The following CSNK2A1 variants were observed in gnomAD, a reference collection of about 807,000 sequenced individuals.
CSNK2A1 encodes the protein casein kinase 2 alpha 1, also known as casein kinase II subunit alpha.
A neutral mutation model predicts 62.9 loss-of-function variants in CSNK2A1; 10 were observed. The observed-to-expected ratio is 0.16, with a 90% confidence interval of 0.10 to 0.27. The LOEUF is 0.27. Among genes scored for constraint, CSNK2A1 ranks in the 10% least tolerant of loss-of-function variants. The pLI is 1.00. For missense variants in CSNK2A1, 160 were observed against 492.0 expected (o/e 0.33, Z 6.38); for synonymous variants, 124 against 167.8 (o/e 0.74, Z 2.02).
At chr20:511,581 T>C (rs2018719342) in intron 2 of CSNK2A1, among the ~76,000 whole-genome samples, 1 of 152,158 alleles carries the variant, frequency 6.6e-6, no homozygotes. Flanking sequence ...AATCAGACAA[T>C]ATTTGTCCTT....
At chr20:508,914 T>C (rs1379202781) in intron 2 of CSNK2A1, among the ~76,000 whole-genome samples, 3 of 152,224 alleles carry the variant, frequency 2.0e-5, no homozygotes. Context: ...AAAATTTGAA[T>C]GATTTTTGTA....
rs1157352244 is a variant in CSNK2A1, at chr20:485,066, CAAAAAAAAAAAAAAAAAAAAAAAAAA to C, written c.1061-1016_1061-991del. ...TGGCCACAGAGCAAGACCTTGTCTC[CAAAAAAAAAAAAAAAAAAAAAAAAAA>C]AAAAAAAAAAAAAAAAAATATATAT... On this transcript the variant is annotated intron_variant, in intron 13 of 13. Coordinates refer to ENST00000217244, the MANE Select transcript of CSNK2A1 (RefSeq NM_177559.3). Among the ~76,000 whole-genome samples, 91 of 22,010 alleles carry C rather than the reference CAAAAAAAAAAAAAAAAAAAAAAAAAA, an allele frequency of 4.1e-3. 2 individuals are homozygous for C. The highest frequency in any genetic ancestry group is 0.017 in the African/African-American group (85 of 5,052). 14.4% of individuals were successfully genotyped at this position (22,010 alleles called of 152,430 possible).
intron 2 of CSNK2A1, among the ~76,000 whole-genome samples, chr20:516,134 C>T (rs1600398455): frequency 6.6e-6 from 1 of 152,204 alleles, no homozygotes; most frequent in South Asian, 2.1e-4. Flanking sequence ...GTTCATAATA[C>T]TAGTATATCT....
At chr20:525,673 A>T (rs1182651904) in intron 2 of CSNK2A1, among the ~76,000 whole-genome samples, 4 of 147,978 alleles carry the variant, frequency 2.7e-5, no homozygotes, top group Non-Finnish European at 6.0e-5. Context: ...AAAAAGAAAA[A>T]AAAAATAATA....
Position 513,306 on chromosome 20 carries a change from G to A in CSNK2A1, c.-109-4646C>T, listed in dbSNP as rs75591617. Among the ~76,000 whole-genome samples the A allele has an allele frequency of 9.2e-5, 14 of 152,240 alleles. No homozygotes were observed. In the East Asian group the frequency reaches 2.7e-3, roughly 29 times the overall value. On this transcript the variant is annotated intron_variant, in intron 2 of 13. Transcript: ENST00000217244. ...TCTCTGTTGGGCTTTTCCCAGCTTT[G>A]GTTCATCACTTATAAAACCTGTCTA...
Position 503,844 on chromosome 20 carries a change from T to C in CSNK2A1, c.213+1274A>G, listed in dbSNP as rs2018518854. 3 of 395,734 alleles carry C rather than the reference T, an allele frequency of 7.6e-6. No homozygotes were observed. The Admixed American group carries it at 1.3e-4, about 17-fold the overall frequency. 24.5% of individuals were successfully genotyped at this position (395,734 alleles called of 1,614,324 possible). On this transcript the variant is annotated intron_variant, in intron 4 of 13. Transcript: ENST00000217244. Reference sequence around the variant, plus strand: ...AATTTAACTTTTTTCTTTTAATTTATGTGAATAACTTTTTAAATGGCTACC... The same window carrying C: ...AATTTAACTTTTTTCTTTTAATTTACGTGAATAACTTTTTAAATGGCTACC...
intron 12 of CSNK2A1, 144 bp from the exon 13 acceptor site, chr20:486,606 C>T: frequency 2.6e-6 from 2 of 759,006 alleles, no homozygotes; most frequent in Non-Finnish European, 4.0e-6. Flanking sequence ...TGGCAATTGC[C>T]TTCACCATGA....
At position 481,673 on chromosome 20, in the gene CSNK2A1, T is replaced by A. The variant is rs926403277; in HGVS notation, c.*2288A>T. On this transcript the variant is annotated 3_prime_UTR_variant, in exon 14 of 14. Coordinates refer to ENST00000217244, the MANE Select transcript of CSNK2A1 (RefSeq NM_177559.3). ...ATGGGTGTAAGGAGGTCCAGCTGTCTGCAGCTCTCCGCATCAGCCTAAGCT... is the reference window on the plus strand; with the variant it reads ...ATGGGTGTAAGGAGGTCCAGCTGTCAGCAGCTCTCCGCATCAGCCTAAGCT... The A allele has an allele frequency of 6.6e-6, 1 of 152,176 alleles. No individual in the cohort carries two copies. The highest frequency in any genetic ancestry group is 6.5e-5 in the Admixed American group (1 of 15,278). 9.4% of individuals were successfully genotyped at this position (152,176 alleles called of 1,614,324 possible). A position where few individuals can be genotyped will look rare whatever the true frequency, so the allele number is the denominator to read the frequency against.
intron 2 of CSNK2A1, among the ~76,000 whole-genome samples, chr20:518,255 G>A (rs555104839): frequency 3.3e-5 from 5 of 152,294 alleles, no homozygotes; most frequent in African/African-American, 9.6e-5. Context: ...TTAGAATTTT[G>A]TTCTCACATA....
chr20:512,384 G>A (rs1479540498), intron 2 of CSNK2A1, among the ~76,000 whole-genome samples: 1 of 151,926 alleles, frequency 6.6e-6, no homozygotes, highest in Non-Finnish European at 1.5e-5. Context: ...TCCATTTTTT[G>A]ATTGGGTTGT....
chr20:514,741 C>T (rs1160339762), intron 2 of CSNK2A1, among the ~76,000 whole-genome samples: 1 of 152,134 alleles, frequency 6.6e-6, no homozygotes, highest in African/African-American at 2.4e-5. Context: ...CATGCCCAAC[C>T]AAGATAAACA....
At position 484,694 on chromosome 20, in the gene CSNK2A1, T is replaced by G. The variant is rs76437609; in HGVS notation, c.1061-618A>C. ...TTCTTCCACCTCTCTAATCATGTTT[T>G]TGTGTGTGTGTGTGTGTGTGTGTGT... On this transcript the variant is annotated intron_variant, in intron 13 of 13. Transcript: ENST00000217244. 4.7e-3 allele frequency among the ~76,000 whole-genome samples: 701 copies of G among 147,758 alleles called. 7 individuals are homozygous for G. Among genetic ancestry groups the G allele is most frequent in the Middle Eastern group, 0.014 (4 of 290 alleles).
At chr20:485,100 AAAAAAAAAAATATATATATATATAT>A (rs2018057783) in intron 13 of CSNK2A1, among the ~76,000 whole-genome samples, 2 of 54,294 alleles carry the variant, frequency 3.7e-5, no homozygotes, top group Non-Finnish European at 7.0e-5. Flanking sequence ...AAAAAAAAAA[AAAAAAAAAAATATATATATATATAT>A]ATATATATAT....
intron 2 of CSNK2A1, among the ~76,000 whole-genome samples, chr20:514,295 G>A (rs113112612): frequency 6.6e-6 from 1 of 151,902 alleles, no homozygotes; most frequent in Non-Finnish European, 1.5e-5. Flanking sequence ...AGTGAGCCAT[G>A]ATCTCACCAC....
intron 2 of CSNK2A1, among the ~76,000 whole-genome samples, chr20:519,352 A>T (rs2018895768): frequency 6.6e-6 from 1 of 152,256 alleles, no homozygotes; most frequent in Non-Finnish European, 1.5e-5. Flanking sequence ...TCCAGAAGCA[A>T]ACAATTTCCA....
rs538455811 is a variant in CSNK2A1, at chr20:499,440, C to T, written c.316-135G>A. The T allele has an allele frequency of 4.3e-6, 3 of 694,446 alleles. No individual in the cohort carries two copies. The highest frequency in any genetic ancestry group is 4.7e-6 in the Non-Finnish European group (2 of 425,094). The allele number at this position is 694,446 out of a possible 1,614,324, so 43.0% of individuals were successfully genotyped here. A position where few individuals can be genotyped will look rare whatever the true frequency, so the allele number is the denominator to read the frequency against. On this transcript the variant is annotated intron_variant, in intron 5 of 13. Transcript: ENST00000217244. The surrounding 1 kb of genome is among the most constrained non-coding windows in gnomAD (Gnocchi z 4.2). ...AGTAGTAAGAAACCCTCTATTGCTACAAGCCCTCCCCGCTCTGATCATCAC... is the reference window on the plus strand; with the variant it reads ...AGTAGTAAGAAACCCTCTATTGCTATAAGCCCTCCCCGCTCTGATCATCAC...
chr20:534,523 T>C (rs910140510), intron 1 of CSNK2A1, among the ~76,000 whole-genome samples: 8 of 152,170 alleles, frequency 5.3e-5, no homozygotes, highest in Non-Finnish European at 1.2e-4. Context: ...CCTTGCTGGC[T>C]GGGGGCTGGT....
intron 10 of CSNK2A1, chr20:489,017 C>G: frequency 1.4e-5 from 5 of 368,010 alleles, no homozygotes; most frequent in Admixed American, 4.5e-5. Flanking sequence ...CCCCTCAAAA[C>G]CCAATTGAAG....
chr20:506,158 G>C (rs978472158), intron 3 of CSNK2A1: 7 of 152,236 alleles, frequency 4.6e-5, no homozygotes, highest in Non-Finnish European at 8.8e-5. Context: ...TTACAGGCGT[G>C]AGCCACCGCA....
Sources: gnomAD v4.1 joint callset for allele counts (sites outside exome capture counted in the v4.1 genomes callset) on GRCh38, gnomAD v4.1.1 for gene constraint, Gnocchi (gnomAD v3.1) non-coding constraint, MANE v1.5 for transcripts, NCBI Gene and HGNC (gene_info 2026-07-23, HGNC 2026-07-21) for gene names.